The following CSMD1 variants were observed in gnomAD, a reference collection of about 807,000 sequenced individuals.
The protein encoded by CSMD1 is CUB and Sushi multiple domains 1.
CSMD1 carries 213 observed loss-of-function variants against 417.5 expected under a neutral mutation model. That is an observed-to-expected ratio of 0.51 (90% confidence interval 0.46 to 0.57). The LOEUF is 0.57. Among genes scored for constraint, CSMD1 ranks in the 20% least tolerant of loss-of-function variants. The pLI is 0.00. For synonymous variants in CSMD1, 2,862 were observed against 1,736.8 expected, an observed-to-expected ratio of 1.65 and a Z score of -16.11; for missense variants, 6,923 against 4,529.7, an observed-to-expected ratio of 1.53 and a Z score of -15.17.
chr8:4,657,687 C>G (rs1052586295), intron 1 of CSMD1, among the ~76,000 whole-genome samples: 1 of 139,496 alleles, frequency 7.2e-6, no homozygotes. Flanking sequence ...AAAACATTAA[C>G]AAAAAGAAAA....
chr8:3,097,516 T>C (rs1157898970), intron 46 of CSMD1, among the ~76,000 whole-genome samples: 1 of 152,180 alleles, frequency 6.6e-6, no homozygotes, highest in Non-Finnish European at 1.5e-5. Flanking sequence ...ATGCTGCAGA[T>C]GGTCCAGAAT....
intron 1 of CSMD1, among the ~76,000 whole-genome samples, chr8:4,809,809 T>C (rs749911986): frequency 6.6e-6 from 1 of 152,192 alleles, no homozygotes; most frequent in Admixed American, 6.6e-5. Context: ...TTTATGCTTC[T>C]AGTACATATC....
intron 3 of CSMD1, among the ~76,000 whole-genome samples, chr8:4,388,905 C>A (rs542287305): frequency 1.3e-5 from 2 of 152,114 alleles, no homozygotes; most frequent in African/African-American, 2.4e-5. Context: ...TCTCATCCAG[C>A]TATTTGTTCA....
chr8:2,963,275 A>G lies in CSMD1; in HGVS notation c.9401T>C (p.Ile3134Thr). ...CACCCCGCGACCTTCACAGGAGAGG[A>G]TGGCGGAGTGAGAGAGCTGGTAACC... ...MDGYQLSHSA[I>T]LSCEGRGVWK... The change falls in exon 60 of 70, where the codon ATC becomes ACC. Residue 3134 changes from isoleucine to threonine, a missense_variant. Transcript: ENST00000635120. The G allele has an allele frequency of 6.2e-7, 1 of 1,613,940 alleles. No individual in the cohort carries two copies.
chr8:4,759,337 C>G (rs769560295), intron 1 of CSMD1, among the ~76,000 whole-genome samples: 1 of 152,160 alleles, frequency 6.6e-6, no homozygotes. Flanking sequence ...CAGCAGCCAG[C>G]AATGCCAATA....
chr8:4,738,774 T>C (rs1249310424), intron 1 of CSMD1, among the ~76,000 whole-genome samples: 1 of 152,182 alleles, frequency 6.6e-6, no homozygotes, highest in Admixed American at 6.5e-5. Flanking sequence ...GGATTAAGCT[T>C]GATACAATAA....
intron 5 of CSMD1, among the ~76,000 whole-genome samples, chr8:3,791,926 T>C (rs915831295): frequency 1.3e-5 from 2 of 152,190 alleles, no homozygotes; most frequent in African/African-American, 4.8e-5. Flanking sequence ...AAAACCTCAA[T>C]AGCGTTTGCA....
intron 3 of CSMD1, among the ~76,000 whole-genome samples, chr8:4,271,571 A>G (rs1372231165): frequency 2.0e-5 from 3 of 148,752 alleles, no homozygotes; most frequent in Non-Finnish European, 3.0e-5. Flanking sequence ...CAAAAGAGAG[A>G]AAAAAAAAAG....
At chr8:3,684,622 G>A (rs560077464) in intron 7 of CSMD1, among the ~76,000 whole-genome samples, 1 of 144,864 alleles carries the variant, frequency 6.9e-6, no homozygotes, top group African/African-American at 2.6e-5. Context: ...TTTTTAGACG[G>A]AGTCTCGCTC....
chr8:4,234,203 A>T (rs745527701), intron 3 of CSMD1, among the ~76,000 whole-genome samples: 6 of 152,218 alleles, frequency 3.9e-5, no homozygotes, highest in Non-Finnish European at 8.8e-5. Context: ...AAAGATGAAC[A>T]GAAAAGACAT....
chr8:4,406,751 C>T (rs1050374848), intron 3 of CSMD1, among the ~76,000 whole-genome samples: 1 of 152,004 alleles, frequency 6.6e-6, no homozygotes, highest in Non-Finnish European at 1.5e-5. Flanking sequence ...TGTTTGCCAA[C>T]AAAGAAAAAA....
intron 3 of CSMD1, among the ~76,000 whole-genome samples, chr8:4,118,049 A>T (rs1424137620): frequency 6.6e-6 from 1 of 152,070 alleles, no homozygotes; most frequent in African/African-American, 2.4e-5. Flanking sequence ...TCATCAGGGA[A>T]CAATGAAGGG....
chr8:3,997,402 G>C (rs1040099654), intron 5 of CSMD1, among the ~76,000 whole-genome samples: 1 of 151,406 alleles, frequency 6.6e-6, no homozygotes, highest in East Asian at 1.9e-4. Context: ...ACTAAGATGT[G>C]TGTTAAGTTA....
chr8:3,788,898 A>C (rs988695148), intron 5 of CSMD1, among the ~76,000 whole-genome samples: 1 of 152,232 alleles, frequency 6.6e-6, no homozygotes, highest in Non-Finnish European at 1.5e-5. Flanking sequence ...ACACAGGCTC[A>C]GAGGAGGAAA....
chr8:4,030,702 G>C (rs183425918), intron 4 of CSMD1, among the ~76,000 whole-genome samples: 4 of 152,306 alleles, frequency 2.6e-5, no homozygotes, highest in African/African-American at 9.6e-5. Context: ...AATTTCTGCA[G>C]TTGGCTTGAT....
intron 10 of CSMD1, among the ~76,000 whole-genome samples, chr8:3,559,131 A>C (rs559495120): frequency 1.3e-5 from 2 of 152,352 alleles, no homozygotes; most frequent in Admixed American, 6.5e-5. Flanking sequence ...GTTGAAATAC[A>C]GGTGTGTGTA....
intron 2 of CSMD1, among the ~76,000 whole-genome samples, chr8:4,542,219 G>C (rs757985177): frequency 4.5e-4 from 68 of 151,984 alleles, no homozygotes; most frequent in Non-Finnish European, 7.1e-4. Flanking sequence ...GGCACAACTT[G>C]TTTCATGGAA....
chr8:4,664,641 T>C (rs1358853424), intron 1 of CSMD1, among the ~76,000 whole-genome samples: 1 of 152,176 alleles, frequency 6.6e-6, no homozygotes, highest in Non-Finnish European at 1.5e-5. Flanking sequence ...TCTCAGATTG[T>C]CACGTCAAAT....
intron 6 of CSMD1, among the ~76,000 whole-genome samples, chr8:3,735,726 G>A: frequency 6.6e-6 from 1 of 152,150 alleles, no homozygotes. Flanking sequence ...AAACTCGTTT[G>A]GAGCAAGGCC....
Sources: allele counts gnomAD v4.1 joint callset (sites outside exome capture counted in the v4.1 genomes callset), GRCh38; gene constraint gnomAD v4.1.1; transcripts MANE v1.5; gene names NCBI Gene and HGNC (gene_info 2026-07-23, HGNC 2026-07-21).